Variants in VAT1L observed in about 807,000 individuals in gnomAD.
VAT1L encodes putative NADPH-dependent quinone oxidoreductase VAT1L.
VAT1L carries 34 observed loss-of-function variants against 44.1 expected under a neutral mutation model. That is an observed-to-expected ratio of 0.77 (90% CI 0.59 to 1.03). The LOEUF is 1.03. VAT1L is among the 50% of genes least tolerant of loss of function. VAT1L has a pLI of 0.00. For synonymous variants in VAT1L, 253 were observed against 202.2 expected, an observed-to-expected ratio of 1.25 and a Z score of -2.13; for missense variants, 615 against 538.8, an observed-to-expected ratio of 1.14 and a Z score of -1.40.
At chr16:77,898,196 T>G (rs1385651695) in intron 7 of VAT1L, among the ~76,000 whole-genome samples, 1 of 152,190 alleles carries the variant, frequency 6.6e-6, no homozygotes, top group Admixed American at 6.5e-5. Flanking sequence ...ACACTAGTAT[T>G]GGATTAGGGC....
At chr16:77,944,508 T>C (rs2017934947) in intron 7 of VAT1L, among the ~76,000 whole-genome samples, 1 of 152,222 alleles carries the variant, frequency 6.6e-6, no homozygotes, top group Non-Finnish European at 1.5e-5. Flanking sequence ...TTTAGCTCTG[T>C]GACCATGAGC....
At chr16:77,792,471 G>A (rs1008611538) in intron 1 of VAT1L, among the ~76,000 whole-genome samples, 10 of 152,112 alleles carry the variant, frequency 6.6e-5, no homozygotes, top group African/African-American at 2.2e-4. Context: ...CTAGGGAAGA[G>A]GAAGGAGTTA....
At chr16:77,958,383 T>C (rs937481141) in intron 7 of VAT1L, among the ~76,000 whole-genome samples, 1 of 152,172 alleles carries the variant, frequency 6.6e-6, no homozygotes, top group Non-Finnish European at 1.5e-5. Context: ...ACAGATATTT[T>C]CCCGCAGGTC....
chr16:77,841,719 T>G (rs756403207), intron 3 of VAT1L, among the ~76,000 whole-genome samples: 4 of 152,092 alleles, frequency 2.6e-5, no homozygotes, highest in Non-Finnish European at 5.9e-5. Flanking sequence ...GCCTGGAAAC[T>G]ATTTCCTCTG....
At chr16:77,969,158 G>A (rs932272663) in intron 7 of VAT1L, among the ~76,000 whole-genome samples, 1 of 152,160 alleles carries the variant, frequency 6.6e-6, no homozygotes, top group Non-Finnish European at 1.5e-5. Flanking sequence ...GAATGCTTCT[G>A]TTCTCAAGAT....
chr16:77,919,128 GTGTGTGTGCA>G (rs968498592), intron 7 of VAT1L, among the ~76,000 whole-genome samples: 121 of 152,316 alleles, frequency 7.9e-4, no homozygotes, highest in African/African-American at 2.7e-3. Context: ...TTGAGGGTGT[GTGTGTGTGCA>G]TGTGTGTGCA....
chr16:77,800,692 C>T (rs2016031324), intron 1 of VAT1L: 1 of 152,172 alleles, frequency 6.6e-6, no homozygotes, highest in African/African-American at 2.4e-5. Flanking sequence ...ATCAGGCTCC[C>T]TGCCTGCGCT....
chr16:77,843,684 G>C (rs1056466356), intron 3 of VAT1L, among the ~76,000 whole-genome samples: 1 of 152,202 alleles, frequency 6.6e-6, no homozygotes, highest in African/African-American at 2.4e-5. Flanking sequence ...ATTCAGTGCA[G>C]ACCTGGACCC....
At chr16:77,851,415 G>A (rs1027400878) in intron 3 of VAT1L, among the ~76,000 whole-genome samples, 1 of 152,298 alleles carries the variant, frequency 6.6e-6, no homozygotes, top group Middle Eastern at 3.4e-3. Flanking sequence ...TTGGAAAGCC[G>A]AGGTGAAAGG....
intron 7 of VAT1L, among the ~76,000 whole-genome samples, chr16:77,890,851 G>A (rs1478816474): frequency 6.6e-6 from 1 of 151,750 alleles, no homozygotes; most frequent in Non-Finnish European, 1.5e-5. Flanking sequence ...TTGAGTCTTG[G>A]GGGTGGAGGT....
chr16:77,812,298 C>T (rs964889701), intron 1 of VAT1L, among the ~76,000 whole-genome samples: 3 of 152,154 alleles, frequency 2.0e-5, no homozygotes, highest in Admixed American at 6.5e-5. Context: ...GTCTCGAACT[C>T]CTGACCTCAG....
chr16:77,881,685 G>T (rs1246900659), intron 6 of VAT1L, among the ~76,000 whole-genome samples: 1 of 152,184 alleles, frequency 6.6e-6, no homozygotes, highest in Non-Finnish European at 1.5e-5. Context: ...TTTGCATTTG[G>T]GCTTTAAAAT....
chr16:77,790,097 C>A (rs1461948811), intron 1 of VAT1L, among the ~76,000 whole-genome samples: 1 of 152,142 alleles, frequency 6.6e-6, no homozygotes, highest in African/African-American at 2.4e-5. Flanking sequence ...TCTAGAGGCA[C>A]GAGAAATACA....
chr16:77,808,824 C>T (rs567745368), intron 1 of VAT1L, among the ~76,000 whole-genome samples: 4 of 152,168 alleles, frequency 2.6e-5, no homozygotes, highest in South Asian at 2.1e-4. Flanking sequence ...CTTGAACTCC[C>T]GACCTCAGGT....
intron 1 of VAT1L, among the ~76,000 whole-genome samples, chr16:77,809,649 C>T (rs996901841): frequency 2.6e-5 from 4 of 152,214 alleles, no homozygotes; most frequent in Non-Finnish European, 5.9e-5. Flanking sequence ...ACTCAAGGCT[C>T]ATCCCCTCTT....
chr16:77,844,228 C>G (rs1392709778), intron 3 of VAT1L, among the ~76,000 whole-genome samples: 1 of 152,070 alleles, frequency 6.6e-6, no homozygotes, highest in South Asian at 2.1e-4. Flanking sequence ...TGGATACTTG[C>G]ATCTGTACTA....
intron 7 of VAT1L, among the ~76,000 whole-genome samples, chr16:77,929,995 G>A (rs1028464054): frequency 1.3e-5 from 2 of 152,040 alleles, no homozygotes; most frequent in East Asian, 1.9e-4. Flanking sequence ...TTCTTCCTGC[G>A]TGCCTTTCCA....
intron 7 of VAT1L, among the ~76,000 whole-genome samples, chr16:77,925,389 G>A (rs555428031): frequency 4.6e-5 from 7 of 152,208 alleles, no homozygotes; most frequent in African/African-American, 1.4e-4. Flanking sequence ...ATTTCACCTC[G>A]ATCAAGTGGC....
chr16:77,791,942 G>A (rs1597158043), intron 1 of VAT1L, among the ~76,000 whole-genome samples: 2 of 152,178 alleles, frequency 1.3e-5, no homozygotes, highest in African/African-American at 2.4e-5. Flanking sequence ...GCAACAAGAG[G>A]TTTAAGTGAC....
Sources: gnomAD v4.1 joint callset for allele counts (sites outside exome capture counted in the v4.1 genomes callset) on GRCh38, gnomAD v4.1.1 for gene constraint, MANE v1.5 for transcripts, NCBI Gene and HGNC (gene_info 2026-07-23, HGNC 2026-07-21) for gene names.